RGL1: variants seen among roughly 807,000 people sequenced by gnomAD.
The protein encoded by RGL1 is ral guanine nucleotide dissociation stimulator like 1, also known as ral guanine nucleotide dissociation stimulator-like 1.
Under a neutral mutation model 95.2 loss-of-function variants are expected in RGL1, and 24 were observed. The ratio of observed to expected loss-of-function variants is 0.25; its 90% CI spans 0.18 to 0.35. The LOEUF (loss-of-function observed/expected upper bound fraction) is 0.35, where lower values mean the gene tolerates loss of function less well. Ranked by LOEUF, RGL1 falls within the 10% of genes least tolerant of loss-of-function variation. The pLI, the probability that RGL1 is intolerant of heterozygous loss-of-function variation, is 1.00. For missense variants in RGL1, 715 were observed against 936.3 expected (o/e 0.76, Z 3.08); for synonymous variants, 329 against 344.9 (o/e 0.95, Z 0.51).
chr1:183,774,165 T>C (rs1367688035), intron 2 of RGL1, among the ~76,000 whole-genome samples: 1 of 152,106 alleles, frequency 6.6e-6, no homozygotes, highest in African/African-American at 2.4e-5. Flanking sequence ...TGTCTTCCAT[T>C]TTCTGAAGGG....
At chr1:183,891,896 A>G (rs1177882667) in intron 8 of RGL1, among the ~76,000 whole-genome samples, 181 bp from the exon 9 acceptor site, 2 of 151,970 alleles carry the variant, frequency 1.3e-5, no homozygotes, top group Non-Finnish European at 2.9e-5. Context: ...CCACCTTAAA[A>G]GAAATAAAAA....
chr1:183,656,729 A>G (rs1651193983), intron 1 of RGL1, among the ~76,000 whole-genome samples: 1 of 152,192 alleles, frequency 6.6e-6, no homozygotes, highest in South Asian at 2.1e-4. Context: ...AATTTGTCTA[A>G]TGTTTTAACA....
chr1:183,733,042 A>G (rs1656722924), intron 1 of RGL1, among the ~76,000 whole-genome samples: 1 of 152,160 alleles, frequency 6.6e-6, no homozygotes, highest in Non-Finnish European at 1.5e-5. Context: ...CCTCTGATAT[A>G]TATTTATGAA....
chr1:183,791,445 CA>C (rs1460514912), intron 2 of RGL1, among the ~76,000 whole-genome samples: 4 of 152,200 alleles, frequency 2.6e-5, no homozygotes, highest in African/African-American at 4.8e-5. Flanking sequence ...TCCACCTTCT[CA>C]AAAGTTCTCC....
At chr1:183,690,939 A>T (rs1017859926) in intron 1 of RGL1, among the ~76,000 whole-genome samples, 2 of 152,196 alleles carry the variant, frequency 1.3e-5, no homozygotes, top group African/African-American at 4.8e-5. Context: ...TGCTTTTGTC[A>T]TTGACATGAT....
intron 17 of RGL1, among the ~76,000 whole-genome samples, chr1:183,923,040 C>T (rs1333992288): frequency 6.6e-6 from 1 of 152,170 alleles, no homozygotes; most frequent in Admixed American, 6.5e-5. Flanking sequence ...GTAGAAAACT[C>T]CTCTGTACCT....
intron 2 of RGL1, among the ~76,000 whole-genome samples, chr1:183,782,023 A>G (rs1659927181): frequency 6.6e-6 from 1 of 152,228 alleles, no homozygotes; most frequent in African/African-American, 2.4e-5. Flanking sequence ...AACACCTGAT[A>G]CATAAATAAG....
intron 1 of RGL1, among the ~76,000 whole-genome samples, chr1:183,671,740 C>A (rs568151472): frequency 6.6e-6 from 1 of 152,092 alleles, no homozygotes; most frequent in Non-Finnish European, 1.5e-5. Context: ...TCAGTTCAAT[C>A]TGGTTTTCCA....
intron 2 of RGL1, among the ~76,000 whole-genome samples, chr1:183,791,292 A>C (rs984154871): frequency 6.6e-6 from 1 of 152,248 alleles, no homozygotes; most frequent in Non-Finnish European, 1.5e-5. Flanking sequence ...TAATTGATAT[A>C]CAATCCACAG....
intron 1 of RGL1, among the ~76,000 whole-genome samples, chr1:183,699,758 T>A (rs977450510): frequency 6.6e-6 from 1 of 152,204 alleles, no homozygotes; most frequent in African/African-American, 2.4e-5. Context: ...TTGTACTCTC[T>A]TTTAAATAAC....
At chr1:183,827,371 A>C (rs189357424) in intron 2 of RGL1, among the ~76,000 whole-genome samples, 2 of 152,244 alleles carry the variant, frequency 1.3e-5, no homozygotes, top group Non-Finnish European at 2.9e-5. Flanking sequence ...GAATTAACCC[A>C]AAGGTGTGGA....
intron 2 of RGL1, among the ~76,000 whole-genome samples, chr1:183,774,784 C>T (rs949841143): frequency 6.6e-6 from 1 of 151,932 alleles, no homozygotes; most frequent in Non-Finnish European, 1.5e-5. Flanking sequence ...CCAAATTGGC[C>T]AGGCTGGTCT....
At chr1:183,708,243 G>A (rs1007369939) in intron 1 of RGL1, among the ~76,000 whole-genome samples, 6 of 152,102 alleles carry the variant, frequency 3.9e-5, no homozygotes, top group Non-Finnish European at 8.8e-5. Flanking sequence ...TTCCCATAAC[G>A]GAGGGTAGGC....
intron 2 of RGL1, among the ~76,000 whole-genome samples, chr1:183,841,429 C>A (rs574862848): frequency 3.9e-5 from 6 of 152,216 alleles, no homozygotes; most frequent in Non-Finnish European, 7.4e-5. Flanking sequence ...GACTTCCCAC[C>A]CAATATTAGG....
At chr1:183,698,709 G>T (rs914446354) in intron 1 of RGL1, among the ~76,000 whole-genome samples, 2 of 152,222 alleles carry the variant, frequency 1.3e-5, no homozygotes, top group Non-Finnish European at 2.9e-5. Context: ...AGTTTTAAGA[G>T]ATGCTGCCAT....
intron 1 of RGL1, among the ~76,000 whole-genome samples, chr1:183,703,194 G>C (rs1399845131): frequency 6.6e-6 from 1 of 152,152 alleles, no homozygotes; most frequent in Non-Finnish European, 1.5e-5. Context: ...TTTGGTTATA[G>C]AAAAAGGGAA....
At chr1:183,825,688 G>A (rs1662798545) in intron 2 of RGL1, among the ~76,000 whole-genome samples, 1 of 152,146 alleles carries the variant, frequency 6.6e-6, no homozygotes, top group Non-Finnish European at 1.5e-5. Context: ...AACAAAGTTG[G>A]TTGTTTATAT....
intron 1 of RGL1, among the ~76,000 whole-genome samples, chr1:183,668,103 A>G (rs80176632): frequency 2.0e-5 from 3 of 152,288 alleles, no homozygotes; most frequent in Admixed American, 6.5e-5. Flanking sequence ...ATAAAAAAAT[A>G]AAAGTTTTTA....
At chr1:183,757,201 A>G (rs1030824219) in intron 2 of RGL1, among the ~76,000 whole-genome samples, 2 of 152,222 alleles carry the variant, frequency 1.3e-5, no homozygotes, top group African/African-American at 2.4e-5. Flanking sequence ...GAGACTGGAC[A>G]TATGACCTCT....
Sources: gnomAD v4.1 joint callset for allele counts (sites outside exome capture counted in the v4.1 genomes callset) on GRCh38, gnomAD v4.1.1 for gene constraint, MANE v1.5 for transcripts, NCBI Gene and HGNC (gene_info 2026-07-23, HGNC 2026-07-21) for gene names.